The following MED21 variants were observed in gnomAD, a reference collection of about 807,000 sequenced individuals.
MED21 encodes mediator of RNA polymerase II transcription subunit 21.
MED21 carries 9 observed loss-of-function variants against 18.2 expected under a neutral mutation model. The ratio of observed to expected loss-of-function variants is 0.49; its 90% CI spans 0.30 to 0.86. The LOEUF is 0.86. Among genes scored for constraint, MED21 ranks in the 40% least tolerant of loss-of-function variants. The pLI is 0.07. For synonymous variants in MED21, 73 were observed against 60.5 expected (o/e 1.21, Z -0.96); for missense variants, 150 against 170.9 (o/e 0.88, Z 0.68).
intron 2 of MED21, among the ~76,000 whole-genome samples, chr12:27,035,944 G>T (rs909710556): frequency 6.6e-6 from 1 of 152,088 alleles, no homozygotes; most frequent in Non-Finnish European, 1.5e-5. Context: ...AGTCCTTTGG[G>T]TGTATACCCA....
chr12:27,032,391 A>G (rs1592338041), downstream of MED21, among the ~76,000 whole-genome samples: 1 of 152,152 alleles, frequency 6.6e-6, no homozygotes, highest in Non-Finnish European at 1.5e-5. Flanking sequence ...CATGGCTTCT[A>G]CTTCAGATGT....
At chr12:27,033,871 T>G (rs1213143286), downstream of MED21, among the ~76,000 whole-genome samples, 1 of 152,196 alleles carries the variant, frequency 6.6e-6, no homozygotes, top group Non-Finnish European at 1.5e-5. Context: ...ATGCAAGTAT[T>G]ACCTTTCTTG....
intron 1 of MED21, 57 bp downstream of exon 1, chr12:27,022,678 G>A: frequency 1.2e-6 from 2 of 1,612,518 alleles, no homozygotes; most frequent in South Asian, 1.1e-5. Flanking sequence ...TAAAGCAAGG[G>A]AGGAAAGGGG....
downstream of MED21, among the ~76,000 whole-genome samples, chr12:27,035,642 T>C (rs1339856221): frequency 7.4e-6 from 1 of 135,934 alleles, no homozygotes; most frequent in African/African-American, 2.8e-5. Flanking sequence ...CCTGTGTCCA[T>C]GTGTTCTCAC....
At chr12:27,031,827 C>G (rs761231173), downstream of MED21, among the ~76,000 whole-genome samples, 2 of 152,146 alleles carry the variant, frequency 1.3e-5, no homozygotes, top group Non-Finnish European at 2.9e-5. Context: ...AAAGAAAACA[C>G]TAACCACATC....
At chr12:27,022,756 C>CTT (rs1941488232) in intron 1 of MED21, 135 bp downstream of exon 1, 26 of 1,549,940 alleles carry the variant, frequency 1.7e-5, no homozygotes, top group Non-Finnish European at 2.2e-5. Flanking sequence ...AGCGCTCTCT[C>CTT]GGGAGGCGCC....
chr12:27,030,326 G>C lies in MED21; in HGVS notation c.*1865G>C, dbSNP rs1195510813. 1.1e-5 allele frequency: 5 copies of C among 460,958 alleles called. No individual in the cohort carries two copies. Among genetic ancestry groups the C allele is most frequent in the Non-Finnish European group, 1.9e-5 (5 of 258,566 alleles). The allele number at this position is 460,958 out of a possible 1,614,324, so 28.6% of individuals were successfully genotyped here. On this transcript the variant is annotated 3_prime_UTR_variant, in exon 4 of 4. Coordinates refer to ENST00000282892, the MANE Select transcript of MED21 (RefSeq NM_004264.5). ...TTTTTTCTTTTTTTTTTAGAGATGG[G>C]GTCTCACTCTGTTGCCCAGGCTAAT... is the stretch of plus-strand genomic sequence containing the variant.
Position 27,028,898 on chromosome 12 carries a change from G to T in MED21, c.*437G>T. On this transcript the variant is annotated 3_prime_UTR_variant, in exon 4 of 4. Coordinates refer to ENST00000282892, the MANE Select transcript of MED21 (RefSeq NM_004264.5). ...TGTCCTGCCTCTTAGAGGTGGCATT[G>T]TGTAAATCTGAGCTTTGAGCAAGAA... 1.0e-6 allele frequency: 1 copy of T among 985,986 alleles called. No individual in the cohort carries two copies. Among genetic ancestry groups the T allele is most frequent in the Non-Finnish European group, 1.2e-6 (1 of 830,284 alleles). The allele number at this position is 985,986 out of a possible 1,614,324, so 61.1% of individuals were successfully genotyped here.
chr12:27,029,893 A>G lies in MED21; in HGVS notation c.*1432A>G, dbSNP rs1332826493. 1.1e-6 allele frequency: 1 copy of G among 878,328 alleles called. No individual in the cohort carries two copies. The highest frequency in any genetic ancestry group is 5.5e-5 in the South Asian group (1 of 18,240). 54.4% of individuals were successfully genotyped at this position (878,328 alleles called of 1,614,324 possible). A position where few individuals can be genotyped will look rare whatever the true frequency, so the allele number is the denominator to read the frequency against. On this transcript the variant is annotated 3_prime_UTR_variant, in exon 4 of 4. Transcript: ENST00000282892. The stretch of plus-strand genomic sequence containing the variant: ...GGTCAAGACATTTTTCAAATGAGGG[A>G]AAACTAACAGGATTTATCACTAGTA...
chr12:27,024,760 C>T (rs1162787441), intron 1 of MED21, among the ~76,000 whole-genome samples: 1 of 151,660 alleles, frequency 6.6e-6, no homozygotes, highest in Non-Finnish European at 1.5e-5. Context: ...AAGAGATACT[C>T]CTAAAGGAGG....
intron 1 of MED21, among the ~76,000 whole-genome samples, chr12:27,025,107 A>T (rs951586472): frequency 6.6e-6 from 1 of 152,250 alleles, no homozygotes; most frequent in Non-Finnish European, 1.5e-5. Flanking sequence ...GATGGAAAAG[A>T]TAGACACTGT....
chr12:27,036,966 A>G (rs1941653478), intron 2 of MED21: 1 of 152,128 alleles, frequency 6.6e-6, no homozygotes, highest in Non-Finnish European at 1.5e-5. Context: ...TTTTTTTCCA[A>G]TTCTGTGAAG....
At chr12:27,027,317 A>C in intron 2 of MED21, 30 bp from the exon 3 acceptor site, 1 of 1,505,246 alleles carries the variant, frequency 6.6e-7, no homozygotes, top group Non-Finnish European at 9.1e-7. Flanking sequence ...AGGTTTTCTA[A>C]TATCCTAATC....
Position 27,024,060 on chromosome 12 carries a change from A to G in MED21, c.42+1439A>G, listed in dbSNP as rs143802409. Among the ~76,000 whole-genome samples, 14 of 152,344 alleles carry G rather than the reference A, an allele frequency of 9.2e-5. No homozygotes were observed. In the East Asian group the frequency reaches 2.5e-3, roughly 27 times the overall value. On this transcript the variant is annotated intron_variant, in intron 1 of 3. Transcript: ENST00000282892. Reference sequence around the variant, plus strand: ...GCAATAAGAATTTTTCAGCTTTATTATAACCATAGGGGACTGACATAATAT... The same window carrying G: ...GCAATAAGAATTTTTCAGCTTTATTGTAACCATAGGGGACTGACATAATAT...
intron 2 of MED21, 41 bp downstream of exon 2, chr12:27,026,575 AT>A (rs753378145): frequency 1.6e-6 from 2 of 1,226,794 alleles, no homozygotes; most frequent in Non-Finnish European, 2.4e-6. Context: ...TGACTCTCAC[AT>A]TTTTTGTAAT....
Position 27,029,620 on chromosome 12 carries a change from C to T in MED21, c.*1159C>T. The T allele has an allele frequency of 1.0e-6, 1 of 985,336 alleles. No individual in the cohort carries two copies. Among genetic ancestry groups the T allele is most frequent in the Non-Finnish European group, 1.2e-6 (1 of 829,860 alleles). 61.0% of individuals were successfully genotyped at this position (985,336 alleles called of 1,614,324 possible). On this transcript the variant is annotated 3_prime_UTR_variant, in exon 4 of 4. Transcript: ENST00000282892. ...GCTTTTCCACAGTTCTTGAAAAGTA[C>T]TATGTTTCAAATTTCAGGAACACCA...
downstream of MED21, among the ~76,000 whole-genome samples, chr12:27,031,421 T>TCCC (rs1941618488): frequency 6.6e-6 from 1 of 152,230 alleles, no homozygotes; most frequent in Non-Finnish European, 1.5e-5. Flanking sequence ...TTGATACCAT[T>TCCC]CCCTGTATAC....
At chr12:27,037,360 T>C (rs1311822102) in intron 2 of MED21, 2 of 152,044 alleles carry the variant, frequency 1.3e-5, no homozygotes, top group African/African-American at 2.4e-5. Flanking sequence ...TGGGGTTTTC[T>C]ATACATACAG....
intron 3 of MED21, 151 bp from the exon 4 acceptor site, chr12:27,028,134 G>A: frequency 9.9e-7 from 1 of 1,010,396 alleles, no homozygotes. Context: ...TTCACATGGG[G>A]AAAATTCTTA....
Sources: allele counts gnomAD v4.1 joint callset (sites outside exome capture counted in the v4.1 genomes callset), GRCh38; gene constraint gnomAD v4.1.1; transcripts MANE v1.5; gene names NCBI Gene and HGNC (gene_info 2026-07-23, HGNC 2026-07-21).